The following TMPRSS2 variants were observed in gnomAD, a reference collection of about 807,000 sequenced individuals.
TMPRSS2 encodes the protein transmembrane serine protease 2.
Under a neutral mutation model 67.4 loss-of-function variants are expected in TMPRSS2, and 59 were observed. The observed-to-expected ratio is 0.88, with a 90% CI of 0.71 to 1.09. TMPRSS2 has a LOEUF of 1.09. Among genes scored for constraint, TMPRSS2 ranks in the 50% least tolerant of loss-of-function variants. The probability of loss-of-function intolerance (pLI) is 0.00; values close to 1 mark genes in which losing one functional copy is unlikely to be tolerated. For missense variants in TMPRSS2, 668 were observed against 642.7 expected, an observed-to-expected ratio of 1.04 and a Z score of -0.43; for synonymous variants, 257 against 257.0, an observed-to-expected ratio of 1.00 and a Z score of 0.00.
chr21:41,472,361 G>T (rs1284986019), intron 9 of TMPRSS2, among the ~76,000 whole-genome samples: 2 of 152,180 alleles, frequency 1.3e-5, no homozygotes, highest in Non-Finnish European at 2.9e-5. Flanking sequence ...GGATACTAAT[G>T]AACAGACTTG....
chr21:41,492,349 A>T (rs117688613), intron 3 of TMPRSS2, among the ~76,000 whole-genome samples: 1 of 152,156 alleles, frequency 6.6e-6, no homozygotes, highest in Non-Finnish European at 1.5e-5. Context: ...AGGACTATGG[A>T]CCTTCGATTC....
intron 2 of TMPRSS2, among the ~76,000 whole-genome samples, chr21:41,495,528 G>A (rs1038190597): frequency 1.3e-5 from 2 of 151,858 alleles, no homozygotes; most frequent in African/African-American, 2.4e-5. Flanking sequence ...GGGAGGCCGA[G>A]GCGGGAGAAT....
At chr21:41,504,032 C>G (rs553097317) in intron 1 of TMPRSS2, among the ~76,000 whole-genome samples, 2 of 152,222 alleles carry the variant, frequency 1.3e-5, no homozygotes, top group African/African-American at 4.8e-5. Flanking sequence ...CATTGTGCAC[C>G]TCGTACAAAC....
intron 2 of TMPRSS2, among the ~76,000 whole-genome samples, chr21:41,497,572 T>C (rs746364395): frequency 6.6e-6 from 1 of 152,232 alleles, no homozygotes. Flanking sequence ...TTTCCAGATA[T>C]AGAATCTAGG....
At chr21:41,470,617 T>G in intron 11 of TMPRSS2, 31 bp downstream of exon 11, 1 of 1,601,830 alleles carries the variant, frequency 6.2e-7, no homozygotes. Flanking sequence ...CTGTGGGCCC[T>G]GCAGTCCTGT....
At chr21:41,467,492 C>T (rs1393988106) in intron 13 of TMPRSS2, among the ~76,000 whole-genome samples, 4 of 152,108 alleles carry the variant, frequency 2.6e-5, no homozygotes, top group African/African-American at 9.7e-5. Context: ...GAATTTCACA[C>T]AAGCTGAGCC....
At position 41,496,829 on chromosome 21, in the gene TMPRSS2, CTTTTTTTTTTTTTTTT is replaced by C. The variant is rs66730350; in HGVS notation, c.15+1274_15+1289del. On this transcript the variant is annotated intron_variant, in intron 2 of 13. Transcript: ENST00000332149. ...AATTTCTGCCTCTTGTCTCTCTCTC[CTTTTTTTTTTTTTTTT>C]TTTTTTTTTTTTGAGACAGTGTTTC... Among the ~76,000 whole-genome samples, 137 of 68,528 alleles carry C rather than the reference CTTTTTTTTTTTTTTTT, an allele frequency of 2.0e-3. 2 individuals carry two copies. The highest frequency in any genetic ancestry group is 8.5e-3 in the African/African-American group (130 of 15,376). The allele number at this position is 68,528 out of a possible 152,430, so 45.0% of individuals were successfully genotyped here.
intron 13 of TMPRSS2, 77 bp from the exon 14 acceptor site, chr21:41,466,230 T>C (rs745542364): frequency 3.1e-5 from 47 of 1,502,360 alleles, no homozygotes; most frequent in Non-Finnish European, 4.2e-5. Context: ...TTCCTCTAGG[T>C]TCGCATGAAG....
At chr21:41,472,061 G>A in intron 9 of TMPRSS2, 80 bp from the exon 10 acceptor site, 5 of 1,385,570 alleles carry the variant, frequency 3.6e-6, no homozygotes, top group East Asian at 2.4e-5. Context: ...GTCAGAAGCT[G>A]GAGGCAAGAC....
intron 9 of TMPRSS2, among the ~76,000 whole-genome samples, chr21:41,472,431 C>A (rs2091142005): frequency 6.6e-6 from 1 of 152,130 alleles, no homozygotes; most frequent in Non-Finnish European, 1.5e-5. Context: ...AGAATCCCAG[C>A]TCCTAGTGGG....
intron 1 of TMPRSS2, among the ~76,000 whole-genome samples, chr21:41,505,346 G>A (rs1041959762): frequency 6.6e-6 from 1 of 152,162 alleles, no homozygotes; most frequent in African/African-American, 2.4e-5. Context: ...GAATCTTGCC[G>A]CAGATTCAGG....
At chr21:41,469,877 C>T (rs2070789) in intron 11 of TMPRSS2, among the ~76,000 whole-genome samples, 43,672 of 151,944 alleles carry the variant, frequency 0.29, 6,947 homozygotes, top group East Asian at 0.41. Flanking sequence ...AAATATTTGT[C>T]GATATTCCCT....
At chr21:41,495,510 A>G (rs1260963846) in intron 2 of TMPRSS2, among the ~76,000 whole-genome samples, 1 of 151,840 alleles carries the variant, frequency 6.6e-6, no homozygotes, top group Non-Finnish European at 1.5e-5. Flanking sequence ...CTATAGTTCC[A>G]GCTGCTTGGG....
chr21:41,479,038 A>G lies in TMPRSS2; in HGVS notation c.683+134T>C, dbSNP rs1324153203. On this transcript the variant is annotated intron_variant, in intron 7 of 13. Transcript: ENST00000332149. The stretch of plus-strand genomic sequence containing the variant: ...GAGTAACCAGGCCTGGTCAGACTCT[A>G]ATCTCCTCCCAATGCAAAACCCATC... 9 of 670,686 alleles carry G rather than the reference A, an allele frequency of 1.3e-5. No homozygotes were observed. In the East Asian group the frequency reaches 2.4e-4, roughly 18 times the overall value. The allele number at this position is 670,686 out of a possible 1,614,324, so 41.5% of individuals were successfully genotyped here.
chr21:41,501,642 A>G (rs2091425238), intron 1 of TMPRSS2, among the ~76,000 whole-genome samples: 1 of 147,452 alleles, frequency 6.8e-6, no homozygotes, highest in Admixed American at 6.7e-5. Context: ...AAAAAGAAAC[A>G]ACAACAACAT....
At chr21:41,488,332 G>A in intron 5 of TMPRSS2, 62 bp downstream of exon 5, 1 of 1,580,968 alleles carries the variant, frequency 6.3e-7, no homozygotes, top group East Asian at 2.3e-5. Context: ...AAGGCCCCTG[G>A]ACCCGGCTGC....
intron 5 of TMPRSS2, among the ~76,000 whole-genome samples, chr21:41,481,194 G>T (rs1244375280): frequency 1.3e-5 from 2 of 152,186 alleles, no homozygotes; most frequent in Admixed American, 6.5e-5. Flanking sequence ...GCCCACCAAC[G>T]GCTGGGTGAG....
At chr21:41,489,842 T>C (rs2091322849) in intron 3 of TMPRSS2, among the ~76,000 whole-genome samples, 1 of 152,116 alleles carries the variant, frequency 6.6e-6, no homozygotes, top group African/African-American at 2.4e-5. Context: ...GAGGTTAGGC[T>C]CTTTTAAAAA....
At chr21:41,476,915 T>A (rs1216163312) in intron 7 of TMPRSS2, among the ~76,000 whole-genome samples, 4 of 152,206 alleles carry the variant, frequency 2.6e-5, no homozygotes, top group African/African-American at 9.6e-5. Context: ...AAGTATACAA[T>A]AATGCTAGTT....
Sources: allele counts gnomAD v4.1 joint callset (sites outside exome capture counted in the v4.1 genomes callset), GRCh38; gene constraint gnomAD v4.1.1; transcripts MANE v1.5; gene names NCBI Gene and HGNC (gene_info 2026-07-23, HGNC 2026-07-21).